CTNND2: variants seen among roughly 807,000 people sequenced by gnomAD.
CTNND2 encodes the protein catenin delta-2.
A neutral mutation model predicts 144.4 loss-of-function variants in CTNND2; 22 were observed. That is an observed-to-expected ratio of 0.15 (90% confidence interval 0.11 to 0.22). CTNND2 has a LOEUF of 0.22. Ranked by LOEUF, CTNND2 falls within the 10% of genes least tolerant of loss-of-function variation. CTNND2 has a pLI of 1.00. For synonymous variants in CTNND2, 751 were observed against 695.6 expected, an observed-to-expected ratio of 1.08 and a Z score of -1.25; for missense variants, 1,353 against 1,618.8, an observed-to-expected ratio of 0.84 and a Z score of 2.82.
At chr5:11,126,647 A>G (rs1054701382) in intron 12 of CTNND2, among the ~76,000 whole-genome samples, 3 of 152,230 alleles carry the variant, frequency 2.0e-5, no homozygotes, top group Non-Finnish European at 4.4e-5. Flanking sequence ...TATCATCAGT[A>G]TGTAACTAGC....
chr5:11,245,412 G>A (rs561540671), intron 9 of CTNND2, among the ~76,000 whole-genome samples: 1 of 152,274 alleles, frequency 6.6e-6, no homozygotes, highest in African/African-American at 2.4e-5. Flanking sequence ...GGCCCTAAAT[G>A]CCATCATAAG....
In CTNND2 at chr5:11,754,096, A is replaced by G. The variant is rs572251401; in HGVS notation, c.38-21824T>C. On this transcript the variant is annotated intron_variant, in intron 1 of 21. Transcript: ENST00000304623. ...TTATTAATCTAGCTAGTGGTATATC[A>G]ATCTTATTTATTCTTTCAAATAACT... Among the ~76,000 whole-genome samples the G allele has an allele frequency of 4.6e-5, 7 of 151,088 alleles. No individual in the cohort carries two copies. In the Admixed American group the frequency reaches 4.6e-4, roughly 10 times the overall value.
chr5:11,146,657 C>T (rs1002612483), intron 12 of CTNND2, among the ~76,000 whole-genome samples: 10 of 152,178 alleles, frequency 6.6e-5, no homozygotes, highest in African/African-American at 1.9e-4. Flanking sequence ...AGTCTAATGG[C>T]TTCCTTCAGA....
intron 11 of CTNND2, among the ~76,000 whole-genome samples, chr5:11,193,305 C>G (rs1003942879): frequency 6.6e-6 from 1 of 152,282 alleles, no homozygotes. Flanking sequence ...CGGACTTCAA[C>G]ATGAAAGTGG....
intron 2 of CTNND2, among the ~76,000 whole-genome samples, chr5:11,667,555 A>G (rs191656995): frequency 6.6e-6 from 1 of 152,322 alleles, no homozygotes; most frequent in East Asian, 1.9e-4. Context: ...TTGGCTGCAT[A>G]AAAATCTTCT....
chr5:11,716,662 T>G (rs1318260313), intron 2 of CTNND2, among the ~76,000 whole-genome samples: 1 of 151,852 alleles, frequency 6.6e-6, no homozygotes, highest in Non-Finnish European at 1.5e-5. Context: ...CTAGTCTTTT[T>G]ATTTACTTAT....
rs182607737 is a variant in CTNND2 at position 11,103,067 on chromosome 5, T to C, written c.2464-4319A>G. On this transcript the variant is annotated intron_variant, in intron 14 of 21. Transcript: ENST00000304623. The stretch of plus-strand genomic sequence containing the variant: ...CACAATCTTGGCTCACTGCAACCTC[T>C]GCCTCCTGGGTTGGAGCAATTCTCC... Among the ~76,000 whole-genome samples the C allele has an allele frequency of 1.7e-3, 239 of 142,522 alleles. 2 individuals are homozygous for C. The highest frequency in any genetic ancestry group is 6.1e-3 in the African/African-American group (232 of 38,332). 93.5% of individuals were successfully genotyped at this position (142,522 alleles called of 152,430 possible).
At chr5:11,136,139 T>C (rs7714658) in intron 12 of CTNND2, among the ~76,000 whole-genome samples, 93,695 of 151,916 alleles carry the variant, frequency 0.62, 28,950 homozygotes, top group East Asian at 0.73. Flanking sequence ...CAGCAGATCT[T>C]GAAGCCGCTG....
intron 3 of CTNND2, among the ~76,000 whole-genome samples, chr5:11,530,323 C>T (rs141910485): frequency 3.4e-4 from 52 of 152,222 alleles, no homozygotes; most frequent in Admixed American, 6.5e-4. Context: ...ATAACCATCA[C>T]GCAGCTTCAA....
chr5:11,232,152 G>A (rs1561060759), intron 10 of CTNND2, among the ~76,000 whole-genome samples: 1 of 152,216 alleles, frequency 6.6e-6, no homozygotes, highest in East Asian at 1.9e-4. Flanking sequence ...TTGCAGGGGT[G>A]GAGCCCTCAT....
chr5:11,897,499 T>C (rs1347910476), intron 1 of CTNND2, among the ~76,000 whole-genome samples: 2 of 152,196 alleles, frequency 1.3e-5, no homozygotes, highest in Admixed American at 6.5e-5. Flanking sequence ...GGAAAATAGC[T>C]AGCCTAGATC....
chr5:11,473,687 A>T (rs1030322523), intron 3 of CTNND2, among the ~76,000 whole-genome samples: 4 of 152,244 alleles, frequency 2.6e-5, no homozygotes, highest in Non-Finnish European at 5.9e-5. Context: ...AGGACACAGC[A>T]GGTGTGTCCA....
chr5:11,482,818 G>T (rs1286648362), intron 3 of CTNND2, among the ~76,000 whole-genome samples: 2 of 152,160 alleles, frequency 1.3e-5, no homozygotes, highest in Admixed American at 1.3e-4. Context: ...TTCAGTATCA[G>T]CAAGGAGACC....
At chr5:11,800,563 C>G (rs937349930) in intron 1 of CTNND2, among the ~76,000 whole-genome samples, 1 of 152,066 alleles carries the variant, frequency 6.6e-6, no homozygotes, top group African/African-American at 2.4e-5. Context: ...CTACTGTGTG[C>G]CAGACACTCT....
chr5:11,193,757 G>T (rs182705434), intron 11 of CTNND2, among the ~76,000 whole-genome samples: 155 of 152,192 alleles, frequency 1.0e-3, no homozygotes, highest in African/African-American at 3.3e-3. Flanking sequence ...AACAAAGAGG[G>T]TGAAGGAAAA....
intron 9 of CTNND2, among the ~76,000 whole-genome samples, chr5:11,276,819 G>A (rs1357877022): frequency 7.2e-5 from 11 of 152,122 alleles, no homozygotes; most frequent in African/African-American, 1.9e-4. Flanking sequence ...GGAAGGCCAC[G>A]TGAAGATGGA....
chr5:11,460,770 G>A (rs564026265), intron 3 of CTNND2, among the ~76,000 whole-genome samples: 3 of 152,170 alleles, frequency 2.0e-5, no homozygotes, highest in African/African-American at 7.2e-5. Context: ...ATTGCACTCT[G>A]GCCAGGAACT....
intron 18 of CTNND2, among the ~76,000 whole-genome samples, chr5:11,016,190 T>C (rs546186681): frequency 1.3e-5 from 2 of 152,322 alleles, no homozygotes; most frequent in African/African-American, 4.8e-5. Context: ...GCCGCAGTCC[T>C]GGAACCAATC....
At chr5:11,345,476 C>CA (rs1447364375) in intron 9 of CTNND2, among the ~76,000 whole-genome samples, 2 of 151,920 alleles carry the variant, frequency 1.3e-5, no homozygotes, top group African/African-American at 4.8e-5. Context: ...TTTCTTTTTG[C>CA]AAAAAAATCT....
Sources: gnomAD v4.1 joint callset for allele counts (sites outside exome capture counted in the v4.1 genomes callset) on GRCh38, gnomAD v4.1.1 for gene constraint, MANE v1.5 for transcripts, NCBI Gene and HGNC (gene_info 2026-07-23, HGNC 2026-07-21) for gene names.